Variants in ZXDC observed in about 807,000 individuals in gnomAD.
ZXDC encodes the protein zinc finger protein ZXDC.
ZXDC carries 58 observed loss-of-function variants against 63.6 expected under a neutral mutation model. The observed-to-expected ratio is 0.91, with a 90% CI of 0.74 to 1.13. The LOEUF (loss-of-function observed/expected upper bound fraction) is 1.13, where lower values mean the gene tolerates loss of function less well. Among genes scored for constraint, ZXDC ranks in the 50% most tolerant of loss-of-function variants. The pLI, the probability that ZXDC is intolerant of heterozygous loss-of-function variation, is 0.00. For missense variants in ZXDC, 1,133 were observed against 1,148.9 expected, an observed-to-expected ratio of 0.99 and a Z score of 0.20; for synonymous variants, 561 against 496.1, an observed-to-expected ratio of 1.13 and a Z score of -1.74.
chr3:126,446,216 G>A (rs541495175), intron 7 of ZXDC, among the ~76,000 whole-genome samples: 1 of 152,292 alleles, frequency 6.6e-6, no homozygotes, highest in South Asian at 2.1e-4. Flanking sequence ...AGTGGGGAGA[G>A]GAGCAGTATA....
intron 4 of ZXDC, among the ~76,000 whole-genome samples, chr3:126,469,715 C>T (rs1934906120): frequency 6.6e-6 from 1 of 152,212 alleles, no homozygotes; most frequent in Admixed American, 6.5e-5. Context: ...GGTGCTCTCC[C>T]CTCTTCTTCA....
chr3:126,450,125 T>C (rs1168769779), intron 7 of ZXDC: 4 of 349,804 alleles, frequency 1.1e-5, no homozygotes, highest in East Asian at 7.6e-5. Context: ...GGAAGTGATG[T>C]CCAGAGTCTG....
chr3:126,475,427 G>A lies in ZXDC; in HGVS notation c.439C>T (p.Leu147=). The change falls in exon 1 of 10, where the codon CTG becomes TTG. Residue 147 remains leucine, a synonymous_variant. Transcript: ENST00000389709. ...LVRLDRGVLA[L]SAPPGPATAG... ...GTTGCGGGGCCGGGCGGCGCAGACA[G>A]CGCGAGGACGCCGCGGTCGAGACGC... 8.4e-7 allele frequency: 1 copy of A among 1,184,938 alleles called. No homozygotes were observed. Among genetic ancestry groups the A allele is most frequent in the South Asian group, 4.1e-5 (1 of 24,568 alleles). 73.4% of individuals were successfully genotyped at this position (1,184,938 alleles called of 1,614,324 possible). A position where few individuals can be genotyped will look rare whatever the true frequency, so the allele number is the denominator to read the frequency against.
At position 126,440,642 on chromosome 3, in the gene ZXDC, C is replaced by T. The variant is rs1338299451; in HGVS notation, c.2395-915G>A. On this transcript the variant is annotated intron_variant, in intron 8 of 9. Transcript: ENST00000389709. ...TGGATGGTCCTCCCCCTCCCCCTGC[C>T]CCTGCTCCTGGGGAGTTCTTACCTC... The T allele has an allele frequency of 3.0e-6, 3 of 986,350 alleles. No homozygotes were observed. The African/African-American group carries it at 5.2e-5, about 17-fold the overall frequency. 61.1% of individuals were successfully genotyped at this position (986,350 alleles called of 1,614,324 possible). A position where few individuals can be genotyped will look rare whatever the true frequency, so the allele number is the denominator to read the frequency against.
intron 7 of ZXDC, chr3:126,451,083 A>G (rs1934083596): frequency 1.0e-6 from 1 of 979,176 alleles, no homozygotes; most frequent in Non-Finnish European, 1.2e-6. Flanking sequence ...CAGGCCCACC[A>G]GGCCACCCCA....
At chr3:126,470,329 TGGTGGC>T (rs1180194867) in intron 4 of ZXDC, among the ~76,000 whole-genome samples, 2 of 152,108 alleles carry the variant, frequency 1.3e-5, no homozygotes, top group Non-Finnish European at 2.9e-5. Context: ...CAGCCAAGCG[TGGTGGC>T]ATACGCCTGT....
At chr3:126,442,057 G>A in intron 7 of ZXDC, 111 bp from the exon 8 acceptor site, 2 of 1,272,044 alleles carry the variant, frequency 1.6e-6, no homozygotes, top group Non-Finnish European at 2.1e-6. Flanking sequence ...TTGTCATTCT[G>A]CACAGCTAAG....
intron 4 of ZXDC, among the ~76,000 whole-genome samples, chr3:126,469,015 A>G (rs1934880572): frequency 6.6e-6 from 1 of 152,220 alleles, no homozygotes; most frequent in Non-Finnish European, 1.5e-5. Context: ...GATGTTTTCC[A>G]TATGCGCTAA....
At chr3:126,468,665 C>T (rs1173598137) in intron 4 of ZXDC, among the ~76,000 whole-genome samples, 2 of 152,220 alleles carry the variant, frequency 1.3e-5, no homozygotes, top group African/African-American at 4.8e-5. Context: ...CAGCACAAAC[C>T]ATCCCCATCT....
chr3:126,437,767 G>GCTC lies in ZXDC; in HGVS notation c.*605_*607dup, dbSNP rs1933512095. The GCTC allele has an allele frequency of 6.6e-6, 1 of 152,260 alleles. No homozygotes were observed. 9.4% of individuals were successfully genotyped at this position (152,260 alleles called of 1,614,324 possible). On this transcript the variant is annotated 3_prime_UTR_variant, in exon 10 of 10. Coordinates refer to ENST00000389709, the MANE Select transcript of ZXDC (RefSeq NM_025112.5). ...GCTATGAATTTAGTCTGGGAAGAGG[G>GCTC]CTCCGTAATAGGCCACTGAGGTCCT...
At chr3:126,471,683 A>G (rs1159111735) in intron 3 of ZXDC, among the ~76,000 whole-genome samples, 3 of 152,018 alleles carry the variant, frequency 2.0e-5, no homozygotes, top group Admixed American at 6.5e-5. Flanking sequence ...AAGAAAGCTT[A>G]TTCTACAATG....
intron 6 of ZXDC, chr3:126,460,572 A>C: frequency 2.0e-6 from 2 of 985,412 alleles, no homozygotes; most frequent in South Asian, 9.4e-5. Context: ...CCAGGGACTG[A>C]CTGAGCACTT....
intron 2 of ZXDC, 25 bp from the exon 3 acceptor site, chr3:126,472,076 C>G: frequency 6.2e-7 from 1 of 1,609,540 alleles, no homozygotes. Flanking sequence ...AATTATACAG[C>G]ATAAAATTTA....
intron 7 of ZXDC, among the ~76,000 whole-genome samples, chr3:126,455,917 G>A (rs961027189): frequency 4.0e-5 from 6 of 151,884 alleles, no homozygotes; most frequent in African/African-American, 7.3e-5. Flanking sequence ...GGAGAATGGC[G>A]TGAACCTGGG....
rs367896871 is a variant in ZXDC, at chr3:126,459,786, G to C, written c.2128-49C>G. On this transcript the variant is annotated intron_variant, in intron 6 of 9. Coordinates refer to ENST00000389709, the MANE Select transcript of ZXDC (RefSeq NM_025112.5). ...AGTCACTTATCTAGACACAAAGGAA[G>C]GGTAGCAAGGGAGCTACAGAAGTGC... 85 of 1,613,786 alleles carry C rather than the reference G, an allele frequency of 5.3e-5. No homozygotes were observed. The African/African-American group carries it at 1.1e-3, about 20-fold the overall frequency.
chr3:126,439,726 T>A lies in ZXDC; in HGVS notation c.2396A>T (p.Asp799Val). The A allele has an allele frequency of 6.4e-7, 1 of 1,550,552 alleles. No individual in the cohort carries two copies. The highest frequency in any genetic ancestry group is 8.7e-7 in the Non-Finnish European group (1 of 1,146,778). ...AQGVQVQLVQ[D>V]DPSGEGVLPS... ...CAGGACACCTTCGCCGGAGGGGTCA[T>A]CCTGGGAAGGCAACACAGAAAGGCC... The change falls in exon 9 of 10, where the codon GAT becomes GTT. Residue 799 changes from aspartate (D) to valine (V), a missense_variant and splice_region_variant. By Grantham distance (152) the Asp-to-Val change is radical. Coordinates refer to ENST00000389709, the MANE Select transcript of ZXDC (RefSeq NM_025112.5).
At chr3:126,469,123 G>A (rs1423545091) in intron 4 of ZXDC, among the ~76,000 whole-genome samples, 2 of 152,114 alleles carry the variant, frequency 1.3e-5, no homozygotes, top group South Asian at 2.1e-4. Flanking sequence ...TTTGTCCGAG[G>A]CCCCAGACCT....
In ZXDC at chr3:126,475,096, G is replaced by A. The variant is rs1481349180; in HGVS notation, c.770C>T (p.Ala257Val). 6.2e-7 allele frequency: 1 copy of A among 1,609,878 alleles called. No individual in the cohort carries two copies. The change falls in exon 1 of 10, where the codon GCG becomes GTG. Residue 257 changes from alanine to valine, a missense_variant. By Grantham distance (64) the Ala-to-Val change is moderately conservative. Coordinates refer to ENST00000389709, the MANE Select transcript of ZXDC (RefSeq NM_025112.5). ...KKFTTVYNLK[A>V]HMKGHEQESL... is the part of the protein sequence containing the mutation. ...CTCCTGCTCGTGGCCCTTCATGTGCGCCTTGAGGTTATAGACCGTAGTGAA... is the reference window on the plus strand; with the variant it reads ...CTCCTGCTCGTGGCCCTTCATGTGCACCTTGAGGTTATAGACCGTAGTGAA...
At chr3:126,450,251 G>C (rs1335303253) in intron 7 of ZXDC, 2 of 442,490 alleles carry the variant, frequency 4.5e-6, no homozygotes, top group Non-Finnish European at 4.6e-6. Context: ...CCTTGGATGC[G>C]TAAGGGTCAG....
Sources: gnomAD v4.1 joint callset for allele counts (sites outside exome capture counted in the v4.1 genomes callset) on GRCh38, gnomAD v4.1.1 for gene constraint, MANE v1.5 for transcripts, NCBI Gene and HGNC (gene_info 2026-07-23, HGNC 2026-07-21) for gene names.